The following DNM3 variants were observed in gnomAD, a reference collection of about 807,000 sequenced individuals.
DNM3 encodes dynamin-3.
DNM3 carries 47 observed loss-of-function variants against 101.6 expected under a neutral mutation model. The observed-to-expected ratio is 0.46, with a 90% CI of 0.37 to 0.59. The LOEUF is 0.59. DNM3 is among the 20% of genes least tolerant of loss of function. The pLI is 0.00. For synonymous variants in DNM3, 385 were observed against 387.9 expected (o/e 0.99, Z 0.09); for missense variants, 849 against 1,085.7 (o/e 0.78, Z 3.06).
chr1:172,308,457 A>C (rs1166387651), intron 15 of DNM3, among the ~76,000 whole-genome samples: 1 of 152,236 alleles, frequency 6.6e-6, no homozygotes, highest in Non-Finnish European at 1.5e-5. Context: ...CCCAGTGTAT[A>C]ATATTGAATA....
At chr1:172,372,082 C>G (rs1232773110) in intron 17 of DNM3, among the ~76,000 whole-genome samples, 1 of 100,738 alleles carries the variant, frequency 9.9e-6, no homozygotes, top group African/African-American at 4.0e-5. Context: ...CACCCCACAA[C>G]AGTCCCCAGA....
intron 14 of DNM3, among the ~76,000 whole-genome samples, chr1:172,170,048 G>C (rs1465610943): frequency 6.6e-6 from 1 of 151,840 alleles, no homozygotes; most frequent in South Asian, 2.1e-4. Context: ...GAAGGAGCTA[G>C]AGATCTATGC....
chr1:172,375,795 A>T (rs1252663655), intron 17 of DNM3, among the ~76,000 whole-genome samples: 1 of 151,552 alleles, frequency 6.6e-6, no homozygotes, highest in East Asian at 2.0e-4. Flanking sequence ...CATCGCTTAA[A>T]GCCAGGAATT....
At chr1:172,351,982 A>G (rs1050563166) in intron 17 of DNM3, among the ~76,000 whole-genome samples, 8 of 152,200 alleles carry the variant, frequency 5.3e-5, no homozygotes, top group African/African-American at 1.9e-4. Context: ...TACAATAAAC[A>G]ACAGTTTGCC....
At chr1:172,248,012 C>A (rs780801552) in intron 14 of DNM3, among the ~76,000 whole-genome samples, 1 of 152,024 alleles carries the variant, frequency 6.6e-6, no homozygotes, top group Non-Finnish European at 1.5e-5. Flanking sequence ...CTAATATAAT[C>A]TCTTTTAAGT....
intron 14 of DNM3, among the ~76,000 whole-genome samples, chr1:172,160,382 T>A (rs947876849): frequency 3.3e-5 from 5 of 152,112 alleles, no homozygotes; most frequent in African/African-American, 4.8e-5. Flanking sequence ...GTAAAAAAAA[T>A]TTCTTTTTTA....
intron 4 of DNM3, among the ~76,000 whole-genome samples, chr1:172,030,412 T>C (rs1463669753): frequency 6.6e-6 from 1 of 152,100 alleles, no homozygotes; most frequent in South Asian, 2.1e-4. Context: ...TAACCCAAGA[T>C]GGATTAAAGA....
At chr1:171,933,154 G>A (rs189613739) in intron 2 of DNM3, among the ~76,000 whole-genome samples, 4 of 152,286 alleles carry the variant, frequency 2.6e-5, no homozygotes, top group Non-Finnish European at 5.9e-5. Flanking sequence ...ACTCTGGCTG[G>A]TGTCAGCTGA....
chr1:172,329,656 T>G (rs1003985399), intron 17 of DNM3, among the ~76,000 whole-genome samples: 1 of 152,034 alleles, frequency 6.6e-6, no homozygotes, highest in Non-Finnish European at 1.5e-5. Flanking sequence ...ACAGTAGAGT[T>G]AAAAGGCAAA....
At chr1:172,114,137 GGAAAAGTGAAGATGGAGGGGC>G (rs2055715700) in intron 13 of DNM3, among the ~76,000 whole-genome samples, 1 of 152,128 alleles carries the variant, frequency 6.6e-6, no homozygotes, top group Non-Finnish European at 1.5e-5. Flanking sequence ...GTTGCTATGA[GGAAAAGTGAAGATGGAGGGGC>G]AGTGTGGAGA....
chr1:172,263,636 T>A (rs958575333), intron 15 of DNM3, among the ~76,000 whole-genome samples: 2 of 152,182 alleles, frequency 1.3e-5, no homozygotes, highest in Non-Finnish European at 2.9e-5. Flanking sequence ...CTTCCCTTTA[T>A]AAAATCATCA....
intron 14 of DNM3, among the ~76,000 whole-genome samples, chr1:172,239,481 G>A (rs563446967): frequency 6.6e-6 from 1 of 152,230 alleles, no homozygotes; most frequent in African/African-American, 2.4e-5. Context: ...TCCATACAGG[G>A]AGAAGAGAAA....
chr1:172,372,950 T>G (rs1287095953), intron 17 of DNM3, among the ~76,000 whole-genome samples: 2 of 151,916 alleles, frequency 1.3e-5, no homozygotes, highest in Non-Finnish European at 2.9e-5. Context: ...TCCCAAAGTG[T>G]TAGGATTACA....
At chr1:172,213,417 A>G (rs1295031722) in intron 14 of DNM3, among the ~76,000 whole-genome samples, 1 of 150,958 alleles carries the variant, frequency 6.6e-6, no homozygotes. Context: ...TGTGGGTTAC[A>G]TGGGAACATT....
At chr1:172,088,537 A>G (rs1333025100) in intron 12 of DNM3, among the ~76,000 whole-genome samples, 2 of 152,150 alleles carry the variant, frequency 1.3e-5, no homozygotes, top group Admixed American at 6.6e-5. Context: ...TACAGTTATT[A>G]TACTAGATGG....
chr1:172,372,670 ATTAAT>A (rs1380635696), intron 17 of DNM3, among the ~76,000 whole-genome samples: 1 of 141,300 alleles, frequency 7.1e-6, no homozygotes, highest in Non-Finnish European at 1.5e-5. Flanking sequence ...AAATCTTGTA[ATTAAT>A]TTTTTTTTTT....
chr1:171,909,115 T>G (rs1268487657), intron 1 of DNM3, among the ~76,000 whole-genome samples: 1 of 152,146 alleles, frequency 6.6e-6, no homozygotes, highest in East Asian at 1.9e-4. Flanking sequence ...GTTATGAAAG[T>G]GAAAACAGAA....
chr1:172,250,540 T>C (rs1275137289), intron 14 of DNM3, among the ~76,000 whole-genome samples: 2 of 152,126 alleles, frequency 1.3e-5, no homozygotes, highest in Non-Finnish European at 2.9e-5. Flanking sequence ...TTAGAGAAAT[T>C]GGAAGGCAAG....
chr1:172,123,813 G>A (rs1385629443), intron 13 of DNM3, among the ~76,000 whole-genome samples: 1 of 152,124 alleles, frequency 6.6e-6, no homozygotes, highest in Non-Finnish European at 1.5e-5. Context: ...TTATTCCATT[G>A]AGTTTAATCC....
Sources: gnomAD v4.1 joint callset for allele counts (sites outside exome capture counted in the v4.1 genomes callset) on GRCh38, gnomAD v4.1.1 for gene constraint, MANE v1.5 for transcripts, NCBI Gene and HGNC (gene_info 2026-07-23, HGNC 2026-07-21) for gene names.